Variants in NAA50 observed in about 807,000 individuals in gnomAD.
NAA50 encodes the protein N-alpha-acetyltransferase 50, NatE catalytic subunit, also known as N-alpha-acetyltransferase 50.
NAA50 carries 7 observed loss-of-function variants against 20.7 expected under a neutral mutation model. The observed-to-expected ratio is 0.34, with a 90% CI of 0.19 to 0.63. The LOEUF is 0.63. NAA50 is among the 30% of genes least tolerant of loss of function. The pLI, the probability that NAA50 is intolerant of heterozygous loss-of-function variation, is 0.75. For missense variants in NAA50, 111 were observed against 199.1 expected, an observed-to-expected ratio of 0.56 and a Z score of 2.66; for synonymous variants, 54 against 70.6, an observed-to-expected ratio of 0.77 and a Z score of 1.18.
intron 1 of NAA50, among the ~76,000 whole-genome samples, chr3:113,735,547 A>G (rs1708330675): frequency 6.6e-6 from 1 of 152,236 alleles, no homozygotes; most frequent in South Asian, 2.1e-4. Flanking sequence ...TACTTCTGTT[A>G]AGAATGTAAT....
chr3:113,722,661 T>C (rs1708149450), intron 4 of NAA50, among the ~76,000 whole-genome samples: 2 of 152,178 alleles, frequency 1.3e-5, no homozygotes, highest in South Asian at 4.1e-4. Context: ...CCTGATTTCA[T>C]CCCTGTGACT....
chr3:113,727,878 A>G (rs184231725), intron 1 of NAA50, among the ~76,000 whole-genome samples: 2 of 152,312 alleles, frequency 1.3e-5, no homozygotes, highest in East Asian at 3.9e-4. Flanking sequence ...AAATTTCAAA[A>G]TGTTCACTTA....
chr3:113,745,875 C>A (rs924810314), intron 1 of NAA50, 67 bp downstream of exon 1: 19 of 1,552,476 alleles, frequency 1.2e-5, no homozygotes, highest in Non-Finnish European at 1.5e-5. Context: ...TTGCGGCTCT[C>A]CCCCTCTACA....
intron 1 of NAA50, among the ~76,000 whole-genome samples, chr3:113,732,844 A>C (rs1708288661): frequency 6.6e-6 from 1 of 152,016 alleles, no homozygotes; most frequent in South Asian, 2.1e-4. Context: ...TAACCTCTAA[A>C]CTGTGGCTGT....
intron 1 of NAA50, among the ~76,000 whole-genome samples, chr3:113,729,810 A>C (rs1467002723): frequency 6.6e-6 from 1 of 151,962 alleles, no homozygotes. Flanking sequence ...CACCTGCCTC[A>C]GCCTCCCAAA....
chr3:113,718,223 G>T lies in NAA50; in HGVS notation c.*3537C>A. On this transcript the variant is annotated 3_prime_UTR_variant, in exon 5 of 5. Coordinates refer to ENST00000240922, the MANE Select transcript of NAA50 (RefSeq NM_025146.4). ...ACTGTGTGTGATACCCACACAGTGA[G>T]GAACAGAAGCCCAAGAGCCACGTAA... The T allele has an allele frequency of 6.6e-6, 1 of 152,304 alleles. No individual in the cohort carries two copies. 9.4% of individuals were successfully genotyped at this position (152,304 alleles called of 1,614,324 possible). A position where few individuals can be genotyped will look rare whatever the true frequency, so the allele number is the denominator to read the frequency against.
Position 113,721,040 on chromosome 3 carries a change from A to G in NAA50, c.*720T>C, listed in dbSNP as rs1049381262. 1.3e-5 allele frequency: 2 copies of G among 152,646 alleles called. No individual in the cohort carries two copies. The highest frequency in any genetic ancestry group is 4.8e-5 in the African/African-American group (2 of 41,464). 9.5% of individuals were successfully genotyped at this position (152,646 alleles called of 1,614,324 possible). A position where few individuals can be genotyped will look rare whatever the true frequency, so the allele number is the denominator to read the frequency against. ...CTCACCAGCCCAAATTCTAAAAGTT[A>G]ATGCCACTAGTAACAATCAACAGCA... On this transcript the variant is annotated 3_prime_UTR_variant, in exon 5 of 5. Coordinates refer to ENST00000240922, the MANE Select transcript of NAA50 (RefSeq NM_025146.4).
intron 1 of NAA50, among the ~76,000 whole-genome samples, chr3:113,743,439 A>C (rs1474908977): frequency 6.6e-6 from 1 of 152,214 alleles, no homozygotes; most frequent in African/African-American, 2.4e-5. Context: ...AAGAGTCAGG[A>C]CTTTAAAATC....
rs1491515895 is a variant in NAA50, at chr3:113,733,852, CCA to C, written c.9-9759_9-9758del. On this transcript the variant is annotated intron_variant, in intron 1 of 4. Coordinates refer to ENST00000240922, the MANE Select transcript of NAA50 (RefSeq NM_025146.4). The stretch of plus-strand genomic sequence containing the variant: ...TGGGTGACAGAGCAAGACTCTGTCT[CCA>C]AAAAAAAAAAAAAAAAAAAAAAGAC... Among the ~76,000 whole-genome samples, 235 of 56,980 alleles carry C rather than the reference CCA, an allele frequency of 4.1e-3. 1 individual carries two copies. The highest frequency in any genetic ancestry group is 0.032 in the East Asian group (68 of 2,148). 37.4% of individuals were successfully genotyped at this position (56,980 alleles called of 152,430 possible).
At chr3:113,725,256 A>C (rs149403121) in intron 1 of NAA50, among the ~76,000 whole-genome samples, 16 of 152,298 alleles carry the variant, frequency 1.1e-4, no homozygotes, top group African/African-American at 3.8e-4. Context: ...AGCATTCTAC[A>C]ATTTTTTTGC....
intron 1 of NAA50, among the ~76,000 whole-genome samples, chr3:113,742,813 T>C (rs1708436595): frequency 6.6e-6 from 1 of 152,228 alleles, no homozygotes; most frequent in Non-Finnish European, 1.5e-5. Flanking sequence ...AGACATTTTT[T>C]ATTAGAACTA....
In NAA50 at chr3:113,746,129, G is replaced by A; in HGVS notation, c.-180C>T. ...GTCGAGTGAGGGCTTGAGTCTGGTG[G>A]GGGCGGGAGTGTCTCCCGCCGCCGC... On this transcript the variant is annotated 5_prime_UTR_variant, in exon 1 of 5. Transcript: ENST00000240922. The A allele has an allele frequency of 4.3e-6, 3 of 701,570 alleles. No homozygotes were observed. In the East Asian group the frequency reaches 9.8e-5, roughly 23 times the overall value. 43.5% of individuals were successfully genotyped at this position (701,570 alleles called of 1,614,324 possible).
At chr3:113,733,721 C>T (rs747048031) in intron 1 of NAA50, among the ~76,000 whole-genome samples, 11 of 151,628 alleles carry the variant, frequency 7.3e-5, no homozygotes, top group Admixed American at 3.3e-4. Context: ...GGTGTGGTGG[C>T]GCACACCTGT....
Position 113,717,254 on chromosome 3 carries a change from A to C in NAA50, c.*4506T>G, listed in dbSNP as rs1183799924. On this transcript the variant is annotated 3_prime_UTR_variant, in exon 5 of 5. Transcript: ENST00000240922. ...TGGGAGGCTCAGGCAGAATTGCTTG[A>C]ATCTGGGAGGCGGAGTTTGCAGTGA... 2.6e-5 allele frequency: 4 copies of C among 152,198 alleles called. No homozygotes were observed. The highest frequency in any genetic ancestry group is 9.7e-5 in the African/African-American group (4 of 41,438). 9.4% of individuals were successfully genotyped at this position (152,198 alleles called of 1,614,324 possible). A position where few individuals can be genotyped will look rare whatever the true frequency, so the allele number is the denominator to read the frequency against.
At chr3:113,727,453 T>G (rs1708213583) in intron 1 of NAA50, among the ~76,000 whole-genome samples, 1 of 152,140 alleles carries the variant, frequency 6.6e-6, no homozygotes, top group Admixed American at 6.5e-5. Context: ...TTTCTTGACT[T>G]CATACAAGAA....
chr3:113,746,093 A>G lies in NAA50; in HGVS notation c.-144T>C. 9.5e-7 allele frequency: 1 copy of G among 1,057,338 alleles called. No individual in the cohort carries two copies. The highest frequency in any genetic ancestry group is 2.9e-5 in the East Asian group (1 of 34,780). 65.5% of individuals were successfully genotyped at this position (1,057,338 alleles called of 1,614,324 possible). ...GGGCAGGGAGCTGTGCGAGCAACGA[A>G]GGCCGCGAGAGTCGAGTGAGGGCTT... On this transcript the variant is annotated 5_prime_UTR_variant, in exon 1 of 5. Transcript: ENST00000240922.
chr3:113,743,844 A>T (rs2107997232), intron 1 of NAA50, among the ~76,000 whole-genome samples: 1 of 152,258 alleles, frequency 6.6e-6, no homozygotes, highest in Non-Finnish European at 1.5e-5. Flanking sequence ...GTTACATGTA[A>T]ATACCCATTT....
intron 4 of NAA50, 107 bp from the exon 5 acceptor site, chr3:113,722,044 T>C (rs1708142515): frequency 1.1e-5 from 11 of 1,012,802 alleles, no homozygotes; most frequent in South Asian, 1.0e-4. Context: ...TCTTTACAAC[T>C]ACCAGTAATC....
At chr3:113,742,007 GAGA>G (rs1708422938) in intron 1 of NAA50, among the ~76,000 whole-genome samples, 1 of 151,972 alleles carries the variant, frequency 6.6e-6, no homozygotes, top group African/African-American at 2.4e-5. Flanking sequence ...TTATATTAGA[GAGA>G]ACAGTACATT....
Sources: allele counts gnomAD v4.1 joint callset (sites outside exome capture counted in the v4.1 genomes callset), GRCh38; gene constraint gnomAD v4.1.1; transcripts MANE v1.5; gene names NCBI Gene and HGNC (gene_info 2026-07-23, HGNC 2026-07-21).